FAAH2: variants seen among roughly 807,000 people sequenced by gnomAD.
The protein encoded by FAAH2 is fatty-acid amide hydrolase 2.
Under a neutral mutation model 36.9 loss-of-function variants are expected in FAAH2, and 60 were observed. The ratio of observed to expected loss-of-function variants is 1.63; its 90% CI spans 1.32 to 2.02. FAAH2 has a LOEUF of 2.02. FAAH2 is among the 30% of genes most tolerant of loss of function. The probability of loss-of-function intolerance (pLI) is 0.00; values close to 1 mark genes in which losing one functional copy is unlikely to be tolerated. For missense variants in FAAH2, 689 were observed against 397.5 expected (o/e 1.73, Z -6.23); for synonymous variants, 214 against 143.8 (o/e 1.49, Z -3.49).
chrX:57,149,494 A>G, the FAAH2 span, among the ~76,000 whole-genome samples: 1 of 111,463 alleles, frequency 9.0e-6, no homozygotes, highest in African/African-American at 3.3e-5. Flanking sequence ...GGGAGGGTGT[A>G]TGTGTCGAGG....
At chrX:57,164,148 G>C in the FAAH2 span, among the ~76,000 whole-genome samples, 5 of 111,992 alleles carry the variant, frequency 4.5e-5, no homozygotes, top group African/African-American at 1.6e-4. Flanking sequence ...CACAAGGTTG[G>C]ATCAGTAAAA....
the FAAH2 span, among the ~76,000 whole-genome samples, chrX:57,169,869 AACACACACACAC>A: frequency 3.0e-5 from 3 of 101,679 alleles, no homozygotes; most frequent in Non-Finnish European, 6.1e-5. Flanking sequence ...TCTCCTTCTA[AACACACACACAC>A]ACACACACAC....
Position 57,286,832 on chromosome X carries a change from C to T in FAAH2, c.7C>T (p.Pro3Ser). 8.5e-7 allele frequency: 1 copy of T among 1,180,804 alleles called. No homozygotes were observed. Among genetic ancestry groups the T allele is most frequent in the Non-Finnish European group, 1.1e-6 (1 of 878,648 alleles). ...GTGCGGAATCCAGGCTGCGATGGCACCTTCATTTACCGCCCGCATTCAGTT... is the reference window on the plus strand; with the variant it reads ...GTGCGGAATCCAGGCTGCGATGGCATCTTCATTTACCGCCCGCATTCAGTT... Reference protein sequence around the residue: MAPSFTARIQLFL... With the variant: MASSFTARIQLFL... Residue 3 changes from proline (P) to serine (S), a missense_variant, in exon 1 of 11, where the codon CCT becomes TCT. Coordinates refer to ENST00000374900, the MANE Select transcript of FAAH2 (RefSeq NM_174912.4).
At chrX:57,409,163 G>T (rs192206837) in intron 7 of FAAH2, among the ~76,000 whole-genome samples, 2 of 111,008 alleles carry the variant, frequency 1.8e-5, no homozygotes, top group African/African-American at 6.5e-5. Context: ...AATATTATGC[G>T]ACCACCATCA....
chrX:57,466,156 C>CTCTATATATATATA (rs1287266105), intron 10 of FAAH2, among the ~76,000 whole-genome samples: 188 of 66,368 alleles, frequency 2.8e-3, no homozygotes, highest in African/African-American at 4.3e-3. Flanking sequence ...CTCTCTCTCT[C>CTCTATATATATATA]TATATATATA....
the FAAH2 span, among the ~76,000 whole-genome samples, chrX:57,277,950 C>T: frequency 1.8e-5 from 2 of 111,768 alleles, no homozygotes; most frequent in South Asian, 3.8e-4. Flanking sequence ...AAGAACATTC[C>T]GTGCTCATGG....
intron 7 of FAAH2, among the ~76,000 whole-genome samples, chrX:57,397,304 T>C (rs532005763): frequency 9.6e-4 from 108 of 112,110 alleles, no homozygotes; most frequent in African/African-American, 3.5e-3. Flanking sequence ...TCTGTCACAC[T>C]GATGTTAGCT....
the FAAH2 span, among the ~76,000 whole-genome samples, chrX:57,237,266 C>T: frequency 9.0e-6 from 1 of 110,907 alleles, no homozygotes; most frequent in East Asian, 2.8e-4. Context: ...TTGCTTTATA[C>T]AGTATTTGGA....
chrX:57,407,941 T>G (rs2055608074), intron 7 of FAAH2, among the ~76,000 whole-genome samples: 1 of 112,205 alleles, frequency 8.9e-6, no homozygotes, highest in Non-Finnish European at 1.9e-5. Flanking sequence ...GTTACTTTTG[T>G]CAAAAGTTTC....
chrX:57,155,112 G>A, the FAAH2 span, among the ~76,000 whole-genome samples: 2 of 111,944 alleles, frequency 1.8e-5, no homozygotes, highest in African/African-American at 6.5e-5. Flanking sequence ...GACTCTGTGA[G>A]GGTCTTTAAT....
intron 7 of FAAH2, chrX:57,381,469 A>G: frequency 9.5e-6 from 5 of 523,751 alleles, no homozygotes; most frequent in Non-Finnish European, 1.2e-5. Context: ...TCATTTGGGA[A>G]AGAAGAATAA....
At chrX:57,257,450 A>G in the FAAH2 span, among the ~76,000 whole-genome samples, 84 of 110,664 alleles carry the variant, frequency 7.6e-4, 1 homozygote, top group East Asian at 0.021. Flanking sequence ...AGATCAGAAA[A>G]CCATACACCA....
At chrX:57,206,136 A>T in the FAAH2 span, among the ~76,000 whole-genome samples, 1 of 111,934 alleles carries the variant, frequency 8.9e-6, no homozygotes, top group South Asian at 3.7e-4. Flanking sequence ...AATTAGCTGC[A>T]GCTCTGCCTC....
At chrX:57,479,104 T>G (rs2057328529) in intron 10 of FAAH2, among the ~76,000 whole-genome samples, 1 of 111,958 alleles carries the variant, frequency 8.9e-6, no homozygotes, top group African/African-American at 3.2e-5. Flanking sequence ...ACGATATTGA[T>G]TCTTCCTACC....
At chrX:57,484,811 C>T (rs1164950086) in intron 10 of FAAH2, among the ~76,000 whole-genome samples, 1 of 110,847 alleles carries the variant, frequency 9.0e-6, no homozygotes, top group Non-Finnish European at 1.9e-5. Flanking sequence ...CTAGGTAGCT[C>T]ACCAGTCTCC....
chrX:57,216,586 ATG>A, the FAAH2 span, among the ~76,000 whole-genome samples: 514 of 30,513 alleles, frequency 0.017, 51 homozygotes, highest in African/African-American at 0.028. Flanking sequence ...ATATATGTAT[ATG>A]TATATATATG....
intron 3 of FAAH2, among the ~76,000 whole-genome samples, chrX:57,317,953 T>C (rs1042259745): frequency 1.8e-5 from 2 of 111,747 alleles, no homozygotes; most frequent in African/African-American, 6.5e-5. Context: ...AAACATGTTA[T>C]TTGAAACCAG....
chrX:57,440,473 G>C (rs1205829586), intron 8 of FAAH2, among the ~76,000 whole-genome samples: 2 of 111,799 alleles, frequency 1.8e-5, no homozygotes, highest in East Asian at 5.6e-4. Flanking sequence ...CTTTGCTGAA[G>C]TTGCTTATCA....
chrX:57,401,291 G>T (rs2055429062), intron 7 of FAAH2, among the ~76,000 whole-genome samples: 2 of 111,369 alleles, frequency 1.8e-5, no homozygotes, highest in Admixed American at 1.9e-4. Flanking sequence ...ATAGATGGGG[G>T]CTATCTCTGA....
Sources: allele counts gnomAD v4.1 joint callset (sites outside exome capture counted in the v4.1 genomes callset), GRCh38; gene constraint gnomAD v4.1.1; transcripts MANE v1.5; gene names NCBI Gene and HGNC (gene_info 2026-07-23, HGNC 2026-07-21).